The following CTC1 variants were observed in gnomAD, a reference collection of about 807,000 sequenced individuals.
CTC1 encodes CST telomere replication complex component 1, also known as CST complex subunit CTC1.
CTC1 carries 91 observed loss-of-function variants against 136.3 expected under a neutral mutation model. That is an observed-to-expected ratio of 0.67 (90% CI 0.56 to 0.79). The LOEUF (loss-of-function observed/expected upper bound fraction) is 0.79, where lower values mean the gene tolerates loss of function less well. CTC1 is among the 30% of genes least tolerant of loss of function. CTC1 has a pLI of 0.00. For missense variants in CTC1, 1,432 were observed against 1,498.1 expected (o/e 0.96, Z 0.73); for synonymous variants, 606 against 613.8 (o/e 0.99, Z 0.19).
intron 18 of CTC1, 29 bp downstream of exon 18, chr17:8,229,862 A>C (rs1987059518): frequency 6.3e-7 from 1 of 1,590,372 alleles, no homozygotes; most frequent in Non-Finnish European, 8.6e-7. Context: ...GAAGCCAGGA[A>C]GTTTAGGGGT....
chr17:8,230,554 G>A lies in CTC1; in HGVS notation c.2758+9C>T, dbSNP rs1318204480. On this transcript the variant is annotated intron_variant, in intron 16 of 22. Coordinates refer to ENST00000651323, the MANE Select transcript of CTC1 (RefSeq NM_025099.6). ...TTTCATACCTTCCCCACAAAGGAAGGGTCATTACCCAGTTTCATCCAGAGA... is the reference window on the plus strand; with the variant it reads ...TTTCATACCTTCCCCACAAAGGAAGAGTCATTACCCAGTTTCATCCAGAGA... The A allele has an allele frequency of 1.9e-6, 3 of 1,613,928 alleles. No homozygotes were observed. Among genetic ancestry groups the A allele is most frequent in the Admixed American group, 3.3e-5 (2 of 60,012 alleles).
At position 8,248,019 on chromosome 17, in the gene CTC1, G is replaced by A. The variant is rs377706974; in HGVS notation, c.18C>T (p.Ala6=). MAAGR[A]QVPSSEQAWL... Reference sequence around the variant, plus strand: ...CAGCACTCACGGAGGAAGGGACCTGGGCCCGGCCAGCCGCCATGATGCGCC... The same window carrying A: ...CAGCACTCACGGAGGAAGGGACCTGAGCCCGGCCAGCCGCCATGATGCGCC... Residue 6 remains alanine (A), a synonymous_variant, in exon 1 of 23, where the codon GCC becomes GCT. Coordinates refer to ENST00000651323, the MANE Select transcript of CTC1 (RefSeq NM_025099.6). The A allele has an allele frequency of 3.7e-6, 6 of 1,607,060 alleles. No homozygotes were observed. The highest frequency in any genetic ancestry group is 2.2e-5 in the South Asian group (2 of 90,620).
rs368903819 is a variant in CTC1, at chr17:8,230,197, AAG to A, written c.2933+95_2933+96del. 48 of 1,279,154 alleles carry A rather than the reference AAG, an allele frequency of 3.8e-5. No individual in the cohort carries two copies. In the East Asian group the frequency reaches 4.1e-4, roughly 11 times the overall value. 79.2% of individuals were successfully genotyped at this position (1,279,154 alleles called of 1,614,324 possible). On this transcript the variant is annotated intron_variant, in intron 17 of 22. Coordinates refer to ENST00000651323, the MANE Select transcript of CTC1 (RefSeq NM_025099.6). ...GACTGATATATGGAAACCTGTATGA[AAG>A]AGAAGGGGTCGCTGCAGCAAAGTTA...
At chr17:8,230,858 G>A (rs1277358147) in intron 15 of CTC1, 4 of 574,724 alleles carry the variant, frequency 7.0e-6, no homozygotes, top group African/African-American at 1.9e-5. Context: ...TTCAAAACCC[G>A]CACAAGGTGG....
chr17:8,230,982 C>G (rs1987166609), intron 15 of CTC1: 1 of 475,746 alleles, frequency 2.1e-6, no homozygotes, highest in East Asian at 3.6e-5. Context: ...ACTAAAAATA[C>G]AAAAAAACTA....
chr17:8,247,512 GT>G, intron 1 of CTC1: 1 of 153,940 alleles, frequency 6.5e-6, no homozygotes, highest in Non-Finnish European at 1.5e-5. Context: ...GTTTCACCAT[GT>G]TGGTCAGGCT....
In CTC1 at chr17:8,226,238, C is replaced by T. The variant is rs770796328; in HGVS notation, c.*1942G>A. 1.3e-5 allele frequency: 2 copies of T among 152,234 alleles called. No individual in the cohort carries two copies. Among genetic ancestry groups the T allele is most frequent in the Non-Finnish European group, 2.9e-5 (2 of 68,018 alleles). 9.4% of individuals were successfully genotyped at this position (152,234 alleles called of 1,614,324 possible). On this transcript the variant is annotated 3_prime_UTR_variant, in exon 23 of 23. Transcript: ENST00000651323. The stretch of plus-strand genomic sequence containing the variant: ...TCACGCTGTTTCAATTGAATAAAGG[C>T]ACCGCTGGGATTCGAACCCAGGATC...
chr17:8,235,627 G>A (rs966547677), intron 7 of CTC1, among the ~76,000 whole-genome samples: 21 of 152,084 alleles, frequency 1.4e-4, no homozygotes, highest in Non-Finnish European at 2.9e-4. Flanking sequence ...GAGATGCTCT[G>A]GCCACAACTC....
rs770137845 is a variant in CTC1 at position 8,228,485 on chromosome 17, C to T, written c.3514+18G>A. 6.2e-6 allele frequency: 10 copies of T among 1,614,008 alleles called. No individual in the cohort carries two copies. In the African/African-American group the frequency reaches 6.7e-5, roughly 11 times the overall value. On this transcript the variant is annotated intron_variant, in intron 22 of 22. Coordinates refer to ENST00000651323, the MANE Select transcript of CTC1 (RefSeq NM_025099.6). ...CATGATCCCCCTATCATCATGATCC[C>T]CCCGTCTCCAACCTTACCTAATGGG... is the stretch of plus-strand genomic sequence containing the variant.
At chr17:8,235,329 C>A in intron 7 of CTC1, 44 bp from the exon 8 acceptor site, 1 of 1,439,180 alleles carries the variant, frequency 6.9e-7, no homozygotes, top group Non-Finnish European at 9.7e-7. Flanking sequence ...ATGAAGACCC[C>A]AACTCAATGA....
chr17:8,246,491 C>G (rs993793986), intron 1 of CTC1, among the ~76,000 whole-genome samples: 2 of 152,208 alleles, frequency 1.3e-5, no homozygotes, highest in African/African-American at 4.8e-5. Flanking sequence ...TAGAACTCTT[C>G]TAGTGTTATG....
intron 5 of CTC1, 132 bp downstream of exon 5, chr17:8,237,243 G>T: frequency 2.1e-6 from 2 of 952,974 alleles, no homozygotes; most frequent in Non-Finnish European, 3.2e-6. Flanking sequence ...TCTCCCAACA[G>T]CGCTATTCCA....
chr17:8,237,808 A>G (rs1987873922), intron 4 of CTC1, among the ~76,000 whole-genome samples: 1 of 152,036 alleles, frequency 6.6e-6, no homozygotes, highest in South Asian at 2.1e-4. Context: ...GCCCAAAGCA[A>G]GCTATGCTAA....
intron 5 of CTC1, among the ~76,000 whole-genome samples, chr17:8,237,166 G>C (rs537865457): frequency 7.9e-5 from 12 of 151,908 alleles, no homozygotes; most frequent in Non-Finnish European, 1.6e-4. Context: ...AAAGCTGTGT[G>C]CTCAAGTGAG....
At position 8,229,919 on chromosome 17, in the gene CTC1, G is replaced by A. The variant is rs902205041; in HGVS notation, c.2983C>T (p.Leu995=). Residue 995 remains leucine (L), a synonymous_variant, in exon 18 of 23, where the codon CTG becomes TTG. Coordinates refer to ENST00000651323, the MANE Select transcript of CTC1 (RefSeq NM_025099.6). ...ATGGTGGTCTCAGGGGGAAAACTCAGGACCTGCACATAAGTGGATGACCGG... is the reference window on the plus strand; with the variant it reads ...ATGGTGGTCTCAGGGGGAAAACTCAAGACCTGCACATAAGTGGATGACCGG... ...CFRSSTYVQV[L]SFPPETTISI... is the part of the protein sequence containing the mutation. 1.4e-5 allele frequency: 22 copies of A among 1,614,034 alleles called. No homozygotes were observed. Among genetic ancestry groups the A allele is most frequent in the Non-Finnish European group, 1.9e-5 (22 of 1,180,028 alleles).
chr17:8,227,728 G>T lies in CTC1; in HGVS notation c.*452C>A, dbSNP rs1319735265. The T allele has an allele frequency of 2.6e-5, 4 of 155,450 alleles. No homozygotes were observed. Among genetic ancestry groups the T allele is most frequent in the African/African-American group, 9.6e-5 (4 of 41,468 alleles). 9.6% of individuals were successfully genotyped at this position (155,450 alleles called of 1,614,324 possible). A position where few individuals can be genotyped will look rare whatever the true frequency, so the allele number is the denominator to read the frequency against. On this transcript the variant is annotated 3_prime_UTR_variant, in exon 23 of 23. Coordinates refer to ENST00000651323, the MANE Select transcript of CTC1 (RefSeq NM_025099.6). ...CCACCTTTGGCCCTGGCGGCAAAGGGCTGAAATGATGATGAACGACTAGGA... is the reference window on the plus strand; with the variant it reads ...CCACCTTTGGCCCTGGCGGCAAAGGTCTGAAATGATGATGAACGACTAGGA...
At chr17:8,233,223 TAGG>T (rs1597380311) in intron 10 of CTC1, 191 bp from the exon 11 acceptor site, 8 of 596,768 alleles carry the variant, frequency 1.3e-5, no homozygotes, top group South Asian at 8.3e-5. Flanking sequence ...ACACATTTAG[TAGG>T]AGAAGAGAAA....
intron 16 of CTC1, 40 bp from the exon 17 acceptor site, chr17:8,230,508 C>T (rs746538496): frequency 6.8e-6 from 11 of 1,613,474 alleles, no homozygotes; most frequent in African/African-American, 1.3e-5. Flanking sequence ...TCTGTGAAGT[C>T]CACAAAGTCC....
chr17:8,235,805 T>C (rs540351468), intron 7 of CTC1, 26 bp downstream of exon 7: 1 of 1,566,402 alleles, frequency 6.4e-7, no homozygotes, highest in East Asian at 2.3e-5. Context: ...AGGTCTCTTT[T>C]TGTTATCAGC....
Sources: gnomAD v4.1 joint callset for allele counts (sites outside exome capture counted in the v4.1 genomes callset) on GRCh38, gnomAD v4.1.1 for gene constraint, MANE v1.5 for transcripts, NCBI Gene and HGNC (gene_info 2026-07-23, HGNC 2026-07-21) for gene names.